Variants in PLEKHG3 observed in about 807,000 individuals in gnomAD.
PLEKHG3 encodes pleckstrin homology and RhoGEF domain containing G3.
Under a neutral mutation model 94.9 loss-of-function variants are expected in PLEKHG3, and 62 were observed. The ratio of observed to expected loss-of-function variants is 0.65; its 90% CI spans 0.53 to 0.81. The LOEUF is 0.81. Among genes scored for constraint, PLEKHG3 ranks in the 30% least tolerant of loss-of-function variants. PLEKHG3 has a pLI of 0.00. For synonymous variants in PLEKHG3, 614 were observed against 654.0 expected, an observed-to-expected ratio of 0.94 and a Z score of 0.93; for missense variants, 1,461 against 1,619.3, an observed-to-expected ratio of 0.90 and a Z score of 1.68.
intron 12 of PLEKHG3, among the ~76,000 whole-genome samples, chr14:64,734,694 T>TTCCC (rs1222891842): frequency 2.6e-4 from 39 of 151,270 alleles, no homozygotes; most frequent in Middle Eastern, 3.4e-3. Flanking sequence ...AGTTATGAAA[T>TTCCC]TCCCTCCCTC....
At position 64,723,689 on chromosome 14, in the gene PLEKHG3, TG is replaced by T. The variant is rs1324167092; in HGVS notation, c.-39-3900del. ...CTAATTTTTGTATTTTTAGTAGAGA[TG>T]GGGTTTCACCATGTTGGCCTGGCCA... is the stretch of plus-strand genomic sequence containing the variant. On this transcript the variant is annotated intron_variant, in intron 1 of 16. Transcript: ENST00000247226. The surrounding 1 kb of genome is among the most constrained non-coding windows in gnomAD (Gnocchi z 4.5). The T allele has an allele frequency of 6.6e-6, 1 of 152,054 alleles. No individual in the cohort carries two copies. Among genetic ancestry groups the T allele is most frequent in the Non-Finnish European group, 1.5e-5 (1 of 68,030 alleles). The allele number at this position is 152,054 out of a possible 1,614,324, so 9.4% of individuals were successfully genotyped here.
chr14:64,716,396 A>T lies in PLEKHG3; in HGVS notation c.-39-11197A>T, dbSNP rs1398674454. 3.3e-5 allele frequency among the ~76,000 whole-genome samples: 5 copies of T among 149,666 alleles called. No individual in the cohort carries two copies. Among genetic ancestry groups the T allele is most frequent in the African/African-American group, 1.2e-4 (5 of 40,754 alleles). On this transcript the variant is annotated intron_variant, in intron 1 of 16. Transcript: ENST00000247226. The surrounding 1 kb of genome is among the most constrained non-coding windows in gnomAD (Gnocchi z 5.0). The stretch of plus-strand genomic sequence containing the variant: ...TTCAGGGGGACTTCATGTCGTGAAC[A>T]TTTGGAGTTGAGTGGTTAGAGAAGG...
At chr14:64,709,593 C>T (rs1456638460) in intron 1 of PLEKHG3, among the ~76,000 whole-genome samples, 2 of 152,044 alleles carry the variant, frequency 1.3e-5, no homozygotes, top group African/African-American at 2.4e-5. Flanking sequence ...AGAATCGGAG[C>T]TGGGACTGGA....
intron 12 of PLEKHG3, among the ~76,000 whole-genome samples, chr14:64,733,851 A>G (rs560078831): frequency 6.6e-6 from 1 of 152,162 alleles, no homozygotes; most frequent in African/African-American, 2.4e-5. Context: ...TGTGTTTTCA[A>G]AATTGGTTTT....
rs759622959 is a variant in PLEKHG3 at position 64,743,260 on chromosome 14, G to A, written c.3217G>A (p.Gly1073Ser). The part of the protein sequence containing the change: ...ARRAGGGRPR[G>S]PPVNRSHSVP... ...CCGAGCAGGGGGCGGCCGGCCCCGC[G>A]GCCCACCCGTCAACAGGAGCCACTC... The change falls in exon 17 of 17, where the codon GGC becomes AGC. Residue 1073 changes from glycine (G) to serine (S), a missense_variant. Coordinates refer to ENST00000247226, the MANE Select transcript of PLEKHG3 (RefSeq NM_001308147.2). The surrounding 1 kb of genome is among the most constrained non-coding windows in gnomAD (Gnocchi z 7.2). 2.9e-5 allele frequency: 46 copies of A among 1,606,222 alleles called. No homozygotes were observed. The Admixed American group carries it at 3.0e-4, about 11-fold the overall frequency.
chr14:64,712,845 C>T lies in PLEKHG3; in HGVS notation c.-40+8141C>T, dbSNP rs538508544. Among the ~76,000 whole-genome samples the T allele has an allele frequency of 3.9e-5, 6 of 152,268 alleles. No homozygotes were observed. In the South Asian group the frequency reaches 8.3e-4, roughly 21 times the overall value. Reference sequence around the variant, plus strand: ...ATTGCCCTGGCTGGAACTCCAGTATCGAATATAGTGGCAAGACTGGATATC... The same window carrying T: ...ATTGCCCTGGCTGGAACTCCAGTATTGAATATAGTGGCAAGACTGGATATC... On this transcript the variant is annotated intron_variant, in intron 1 of 16. Coordinates refer to ENST00000247226, the MANE Select transcript of PLEKHG3 (RefSeq NM_001308147.2).
At position 64,721,625 on chromosome 14, in the gene PLEKHG3, C is replaced by T. The variant is rs937699422; in HGVS notation, c.-39-5968C>T. 2.6e-5 allele frequency among the ~76,000 whole-genome samples: 4 copies of T among 152,094 alleles called. No individual in the cohort carries two copies. The highest frequency in any genetic ancestry group is 6.5e-5 in the Admixed American group (1 of 15,288). ...TGTTGGCACAGCCTCTGCAGGCAGT[C>T]ACGTTGCTCACATGCACACAAAGTC... On this transcript the variant is annotated intron_variant, in intron 1 of 16. Transcript: ENST00000247226. The surrounding 1 kb of genome is among the most constrained non-coding windows in gnomAD (Gnocchi z 4.3).
Position 64,748,732 on chromosome 14 carries a change from C to G in PLEKHG3, c.*5029C>G, listed in dbSNP as rs934210237. On this transcript the variant is annotated 3_prime_UTR_variant, in exon 17 of 17. Coordinates refer to ENST00000247226, the MANE Select transcript of PLEKHG3 (RefSeq NM_001308147.2). Reference sequence around the variant, plus strand: ...CCTGCACCCAGTCTGGTCCCCTCAGCCCCCCAGAGCCCCTGGCCCAGAGCT... The same window carrying G: ...CCTGCACCCAGTCTGGTCCCCTCAGGCCCCCAGAGCCCCTGGCCCAGAGCT... 2.6e-5 allele frequency: 4 copies of G among 154,188 alleles called. No individual in the cohort carries two copies. Among genetic ancestry groups the G allele is most frequent in the Non-Finnish European group, 4.3e-5 (3 of 69,672 alleles). The allele number at this position is 154,188 out of a possible 1,614,324, so 9.6% of individuals were successfully genotyped here.
chr14:64,713,929 T>A (rs1296690363), intron 1 of PLEKHG3, among the ~76,000 whole-genome samples: 1 of 152,238 alleles, frequency 6.6e-6, no homozygotes, highest in African/African-American at 2.4e-5. Context: ...TATATTTCAA[T>A]ATTGAATATT....
In PLEKHG3 at chr14:64,731,182, TG is replaced by T; in HGVS notation, c.849+16del. 1 of 1,279,840 alleles carries T rather than the reference TG, an allele frequency of 7.8e-7. No homozygotes were observed. The highest frequency in any genetic ancestry group is 1.8e-5 in the Admixed American group (1 of 55,608). The allele number at this position is 1,279,840 out of a possible 1,614,324, so 79.3% of individuals were successfully genotyped here. A position where few individuals can be genotyped will look rare whatever the true frequency, so the allele number is the denominator to read the frequency against. The stretch of plus-strand genomic sequence containing the variant: ...GGTCCGGCTCCAGGTGCTCTGGGGC[TG>T]GGACGCTGGGGGAGGGGCAGGGCTG... On this transcript the variant is annotated intron_variant, in intron 7 of 16. Coordinates refer to ENST00000247226, the MANE Select transcript of PLEKHG3 (RefSeq NM_001308147.2). The surrounding 1 kb of genome is among the most constrained non-coding windows in gnomAD (Gnocchi z 6.1).
In PLEKHG3 at chr14:64,727,624, A is replaced by G. The variant is rs756908130; in HGVS notation, c.-8A>G. 2.5e-6 allele frequency: 4 copies of G among 1,576,070 alleles called. No homozygotes were observed. The South Asian group carries it at 4.4e-5, about 17-fold the overall frequency. On this transcript the variant is annotated 5_prime_UTR_variant, in exon 2 of 17. An upstream start codon of the reference 5' UTR is lost. Coordinates refer to ENST00000247226, the MANE Select transcript of PLEKHG3 (RefSeq NM_001308147.2). The surrounding 1 kb of genome is among the most constrained non-coding windows in gnomAD (Gnocchi z 6.0). ...CCTGGGGTGCCCTCCCCAGGCAGCA[A>G]TGCCAGGATGCCTGTGTCCACCTCC...
Position 64,743,675 on chromosome 14 carries a change from A to G in PLEKHG3, c.3632A>G (p.Lys1211Arg), listed in dbSNP as rs753454726. ...QQGRVRNLREKFQALNSVG is the reference protein window; with the variant it reads ...QQGRVRNLRERFQALNSVG ...GGCAGAGTGAGAAACCTTAGAGAGA[A>G]GTTCCAGGCCTTGAACTCTGTCGGT... Residue 1211 changes from lysine to arginine, a missense_variant, in exon 17 of 17, where the codon AAG becomes AGG. Coordinates refer to ENST00000247226, the MANE Select transcript of PLEKHG3 (RefSeq NM_001308147.2). The surrounding 1 kb of genome is among the most constrained non-coding windows in gnomAD (Gnocchi z 7.2). 8 of 1,584,230 alleles carry G rather than the reference A, an allele frequency of 5.0e-6. No homozygotes were observed. The East Asian group carries it at 1.1e-4, about 22-fold the overall frequency.
intron 1 of PLEKHG3, among the ~76,000 whole-genome samples, chr14:64,705,025 G>A (rs1396327050): frequency 1.3e-5 from 2 of 152,150 alleles, no homozygotes; most frequent in Non-Finnish European, 2.9e-5. Flanking sequence ...AAGCCCGCGA[G>A]GCCGCGCGCG....
Position 64,717,251 on chromosome 14 carries a change from A to G in PLEKHG3, c.-39-10342A>G, listed in dbSNP as rs1243790257. Among the ~76,000 whole-genome samples the G allele has an allele frequency of 6.6e-6, 1 of 151,746 alleles. No homozygotes were observed. The highest frequency in any genetic ancestry group is 1.5e-5 in the Non-Finnish European group (1 of 67,938). The stretch of plus-strand genomic sequence containing the variant: ...AGGGCAAAGAAAGGGGATGTGTTGG[A>G]GCTCTTCTCTTGCTGTATCACCTTC... On this transcript the variant is annotated intron_variant, in intron 1 of 16. Coordinates refer to ENST00000247226, the MANE Select transcript of PLEKHG3 (RefSeq NM_001308147.2). The surrounding 1 kb of genome is among the most constrained non-coding windows in gnomAD (Gnocchi z 4.7).
Position 64,732,556 on chromosome 14 carries a change from A to C in PLEKHG3, c.1246+96A>C. On this transcript the variant is annotated intron_variant, in intron 11 of 16. Coordinates refer to ENST00000247226, the MANE Select transcript of PLEKHG3 (RefSeq NM_001308147.2). The surrounding 1 kb of genome is among the most constrained non-coding windows in gnomAD (Gnocchi z 4.9). ...AAGCTTTACCTGATAATTTTATTCC[A>C]GGAGCAGGGAGGGCGGGGGTCTCCT... The C allele has an allele frequency of 2.9e-6, 3 of 1,035,290 alleles. No homozygotes were observed. Among genetic ancestry groups the C allele is most frequent in the Non-Finnish European group, 3.0e-6 (2 of 656,780 alleles). The allele number at this position is 1,035,290 out of a possible 1,614,324, so 64.1% of individuals were successfully genotyped here.
intron 14 of PLEKHG3, chr14:64,737,733 C>G: frequency 4.9e-6 from 2 of 404,434 alleles, no homozygotes; most frequent in Non-Finnish European, 8.5e-6. Context: ...TCCCTGGACC[C>G]CAGTGGCAAC....
rs369119203 is a variant in PLEKHG3, at chr14:64,729,699, A to G, written c.450-544A>G. ...GTATCCCAGGCCCCTTAAGATGGGC[A>G]GAGGGAGCTCTGGCTGTGTAAGCTG... On this transcript the variant is annotated intron_variant, in intron 3 of 16. Transcript: ENST00000247226. Among the ~76,000 whole-genome samples, 32 of 152,282 alleles carry G rather than the reference A, an allele frequency of 2.1e-4. 1 individual carries two copies. The South Asian group carries it at 6.2e-3, about 30-fold the overall frequency.
chr14:64,736,076 G>A (rs996139054), intron 12 of PLEKHG3, among the ~76,000 whole-genome samples: 1 of 152,262 alleles, frequency 6.6e-6, no homozygotes, highest in Non-Finnish European at 1.5e-5. Flanking sequence ...CTCCAGGTGT[G>A]TAGCAAATCA....
At position 64,718,981 on chromosome 14, in the gene PLEKHG3, T is replaced by C. The variant is rs1222674600; in HGVS notation, c.-39-8612T>C. 6.6e-6 allele frequency among the ~76,000 whole-genome samples: 1 copy of C among 152,120 alleles called. No homozygotes were observed. The highest frequency in any genetic ancestry group is 6.5e-5 in the Admixed American group (1 of 15,276). ...CCCAGTAGTACATGCCGTCTCTCCG[T>C]GTGGATCCCAGAGGAATGCGCCTCT... On this transcript the variant is annotated intron_variant, in intron 1 of 16. Transcript: ENST00000247226. The surrounding 1 kb of genome is among the most constrained non-coding windows in gnomAD (Gnocchi z 5.0).
Sources: allele counts gnomAD v4.1 joint callset (sites outside exome capture counted in the v4.1 genomes callset), GRCh38; gene constraint gnomAD v4.1.1; non-coding constraint Gnocchi (gnomAD v3.1); transcripts MANE v1.5; gene names NCBI Gene and HGNC (gene_info 2026-07-23, HGNC 2026-07-21).